PAQR9: variants seen among roughly 807,000 people sequenced by gnomAD.
The protein encoded by PAQR9 is membrane progestin receptor epsilon.
Under a neutral mutation model 24.0 loss-of-function variants are expected in PAQR9, and 12 were observed. That is an observed-to-expected ratio of 0.50 (90% CI 0.32 to 0.81). The LOEUF (loss-of-function observed/expected upper bound fraction) is 0.81, where lower values mean the gene tolerates loss of function less well. PAQR9 is among the 30% of genes least tolerant of loss of function. The pLI is 0.03. For synonymous variants in PAQR9, 266 were observed against 237.6 expected, an observed-to-expected ratio of 1.12 and a Z score of -1.10; for missense variants, 418 against 520.8, an observed-to-expected ratio of 0.80 and a Z score of 1.92.
downstream of PAQR9, chr3:142,952,879 T>C: frequency 2.2e-6 from 1 of 456,710 alleles, no homozygotes; most frequent in Admixed American, 2.3e-5. Flanking sequence ...GCAAGAGAGC[T>C]GAGAATCAGC....
chr3:142,963,931 G>C, upstream of PAQR9: 1 of 971,596 alleles, frequency 1.0e-6, no homozygotes, highest in Non-Finnish European at 1.2e-6. Flanking sequence ...TCGGCGACGC[G>C]GCGGCGCGCG....
Position 142,962,201 on chromosome 3 carries a change from G to A in PAQR9, c.*2C>T, listed in dbSNP as rs897386793. The A allele has an allele frequency of 3.1e-6, 5 of 1,612,502 alleles. No homozygotes were observed. Among genetic ancestry groups the A allele is most frequent in the Non-Finnish European group, 4.2e-6 (5 of 1,179,702 alleles). ...ACCAGTAGTCTCCTCCAAGGCGGAG[G>A]CTCACTTTTTACTGCAGAATTCGGA... On this transcript the variant is annotated 3_prime_UTR_variant, in exon 1 of 1. Coordinates refer to ENST00000340634, the MANE Select transcript of PAQR9 (RefSeq NM_198504.4).
downstream of PAQR9, chr3:142,952,907 G>A (rs966812394): frequency 1.5e-5 from 7 of 456,156 alleles, no homozygotes; most frequent in South Asian, 7.8e-5. Context: ...CAGAGCAGAT[G>A]AAGGGAAGTA....
chr3:142,953,656 G>A (rs1014680293), downstream of PAQR9, among the ~76,000 whole-genome samples: 14 of 152,070 alleles, frequency 9.2e-5, no homozygotes, highest in African/African-American at 2.4e-5. Context: ...GAATGCCTGT[G>A]GACCAGACAG....
Position 142,957,630 on chromosome 3 carries a change from C to G in PAQR9, c.*4573G>C, listed in dbSNP as rs904910322. The stretch of plus-strand genomic sequence containing the variant: ...ACACTTAAAGACATCTCAATTTAGG[C>G]ACTTTGGATGATCCACTCTTCATAA... On this transcript the variant is annotated 3_prime_UTR_variant, in exon 1 of 1. Coordinates refer to ENST00000340634, the MANE Select transcript of PAQR9 (RefSeq NM_198504.4). Among the ~76,000 whole-genome samples the G allele has an allele frequency of 2.6e-5, 4 of 152,170 alleles. No homozygotes were observed. Among genetic ancestry groups the G allele is most frequent in the Admixed American group, 2.6e-4 (4 of 15,276 alleles).
In PAQR9 at chr3:142,958,267, T is replaced by G. The variant is rs1018372049; in HGVS notation, c.*3936A>C. 6.6e-6 allele frequency among the ~76,000 whole-genome samples: 1 copy of G among 152,234 alleles called. No individual in the cohort carries two copies. The highest frequency in any genetic ancestry group is 2.4e-5 in the African/African-American group (1 of 41,468). On this transcript the variant is annotated 3_prime_UTR_variant, in exon 1 of 1. Coordinates refer to ENST00000340634, the MANE Select transcript of PAQR9 (RefSeq NM_198504.4). ...GACAGCCCTATCTCACTTTGCTCAA[T>G]TTTAAAGTTAGTCAATTAAGGGACT...
downstream of PAQR9, chr3:142,952,795 C>T (rs1363995320): frequency 6.6e-6 from 3 of 456,590 alleles, no homozygotes; most frequent in Admixed American, 4.7e-5. Context: ...ACTTACCTGC[C>T]TTCTGCTGCT....
chr3:142,963,160 G>A lies in PAQR9; in HGVS notation c.177C>T (p.Ile59=). 1.2e-6 allele frequency: 2 copies of A among 1,603,414 alleles called. No individual in the cohort carries two copies. The highest frequency in any genetic ancestry group is 1.7e-6 in the Non-Finnish European group (2 of 1,175,030). Residue 59 remains isoleucine (I), a synonymous_variant, in exon 1 of 1, where the codon ATC becomes ATT. Coordinates refer to ENST00000340634, the MANE Select transcript of PAQR9 (RefSeq NM_198504.4). ...ACGGCAGACGCCGGTAGCCCGACAG[G>A]ATGAAGCACTCCACGAAGTCGTCGG... ...EVPDDFVECF[I]LSGYRRLPCT...
At chr3:142,963,727 TG>T, upstream of PAQR9, 1 of 798,336 alleles carries the variant, frequency 1.3e-6, no homozygotes, top group Non-Finnish European at 1.5e-6. Context: ...GAGCGGGAGG[TG>T]GGGATGTGCG....
chr3:142,953,802 G>A (rs1934752277), downstream of PAQR9, among the ~76,000 whole-genome samples: 1 of 152,172 alleles, frequency 6.6e-6, no homozygotes, highest in African/African-American at 2.4e-5. Context: ...CTCTAGAGGA[G>A]TCCATGTGAC....
At chr3:142,951,755 A>G (rs1329058622), downstream of PAQR9, 9 of 456,680 alleles carry the variant, frequency 2.0e-5, no homozygotes, top group African/African-American at 1.0e-4. Context: ...TAGATGCTCT[A>G]TCTTCACTCT....
rs1429724400 is a variant in PAQR9, at chr3:142,957,996, C to G, written c.*4207G>C. On this transcript the variant is annotated 3_prime_UTR_variant, in exon 1 of 1. Transcript: ENST00000340634. Reference sequence around the variant, plus strand: ...CAGAGAGACTTTCTGGGGCTTCTCTCTTCCACCAGAAGACAAAAGGGTAAT... The same window carrying G: ...CAGAGAGACTTTCTGGGGCTTCTCTGTTCCACCAGAAGACAAAAGGGTAAT... Among the ~76,000 whole-genome samples the G allele has an allele frequency of 6.6e-6, 1 of 152,190 alleles. No homozygotes were observed. The highest frequency in any genetic ancestry group is 1.5e-5 in the Non-Finnish European group (1 of 68,034).
rs1449857308 is a variant in PAQR9 at position 142,958,229 on chromosome 3, A to G, written c.*3974T>C. Among the ~76,000 whole-genome samples the G allele has an allele frequency of 6.6e-6, 1 of 152,214 alleles. No homozygotes were observed. The highest frequency in any genetic ancestry group is 1.5e-5 in the Non-Finnish European group (1 of 68,028). ...ATAACATTTTGTTTGAGATATTTTG[A>G]TCTAATTTCAAAGACAGCCCTATCT... On this transcript the variant is annotated 3_prime_UTR_variant, in exon 1 of 1. Transcript: ENST00000340634.
In PAQR9 at chr3:142,962,548, G is replaced by C; in HGVS notation, c.789C>G (p.Leu263=). The C allele has an allele frequency of 1.9e-6, 3 of 1,613,936 alleles. No homozygotes were observed. Among genetic ancestry groups the C allele is most frequent in the Non-Finnish European group, 2.5e-6 (3 of 1,180,024 alleles). ...TGGGGTTCTCCCCACGCAGGTCGAA[G>C]AGCCAGCTCTCGAGCATAATGGGGC... The part of the protein sequence containing the change: ...MACPIMLESW[L]FDLRGENPTL... The change falls in exon 1 of 1, where the codon CTC becomes CTG. Residue 263 remains leucine (L), a synonymous_variant. Transcript: ENST00000340634.
rs1395958168 is a variant in PAQR9 at position 142,960,738 on chromosome 3, A to C, written c.*1465T>G. The C allele has an allele frequency of 6.6e-6, 1 of 152,236 alleles. No homozygotes were observed. The highest frequency in any genetic ancestry group is 1.5e-5 in the Non-Finnish European group (1 of 68,048). 9.4% of individuals were successfully genotyped at this position (152,236 alleles called of 1,614,324 possible). On this transcript the variant is annotated 3_prime_UTR_variant, in exon 1 of 1. Coordinates refer to ENST00000340634, the MANE Select transcript of PAQR9 (RefSeq NM_198504.4). The stretch of plus-strand genomic sequence containing the variant: ...AAGAAATGTCTAAATAACATTGGCT[A>C]ATCTGTTTGTTAGAAAGGATCTCAG...
Position 142,963,368 on chromosome 3 carries a change from G to A in PAQR9, c.-32C>T, listed in dbSNP as rs1934951513. 33 of 1,176,646 alleles carry A rather than the reference G, an allele frequency of 2.8e-5. No individual in the cohort carries two copies. The highest frequency in any genetic ancestry group is 3.5e-5 in the Non-Finnish European group (33 of 953,458). The allele number at this position is 1,176,646 out of a possible 1,614,324, so 72.9% of individuals were successfully genotyped here. A position where few individuals can be genotyped will look rare whatever the true frequency, so the allele number is the denominator to read the frequency against. ...CGGGGCTCGGCTAGGGCGCGCGCAG[G>A]CGACCTCTGGCGCCGGCTCCCGGGC... On this transcript the variant is annotated 5_prime_UTR_variant, in exon 1 of 1. Transcript: ENST00000340634.
chr3:142,958,102 G>A lies in PAQR9; in HGVS notation c.*4101C>T, dbSNP rs1934823402. On this transcript the variant is annotated 3_prime_UTR_variant, in exon 1 of 1. Coordinates refer to ENST00000340634, the MANE Select transcript of PAQR9 (RefSeq NM_198504.4). ...AAAGATCATGAAAGGTATGATATGAGTGCATGAATGAACAGCTCAAAGATT... is the reference window on the plus strand; with the variant it reads ...AAAGATCATGAAAGGTATGATATGAATGCATGAATGAACAGCTCAAAGATT... Among the ~76,000 whole-genome samples the A allele has an allele frequency of 2.0e-5, 3 of 152,328 alleles. No individual in the cohort carries two copies. Among genetic ancestry groups the A allele is most frequent in the Non-Finnish European group, 2.9e-5 (2 of 68,024 alleles).
rs889899647 is a variant in PAQR9, at chr3:142,957,198, C to T, written c.*5005G>A. On this transcript the variant is annotated 3_prime_UTR_variant, in exon 1 of 1. Coordinates refer to ENST00000340634, the MANE Select transcript of PAQR9 (RefSeq NM_198504.4). ...ACCACTCAAAATATACCTGGACACT[C>T]GTGCTCAGGTCAAACGCTACAAGAT... Among the ~76,000 whole-genome samples the T allele has an allele frequency of 5.9e-5, 9 of 152,330 alleles. No individual in the cohort carries two copies. Among genetic ancestry groups the T allele is most frequent in the East Asian group, 1.9e-4 (1 of 5,192 alleles).
rs775167819 is a variant in PAQR9, at chr3:142,962,586, G to A, written c.751C>T (p.Leu251Phe). 3.7e-6 allele frequency: 6 copies of A among 1,614,032 alleles called. No homozygotes were observed. Among genetic ancestry groups the A allele is most frequent in the Non-Finnish European group, 4.2e-6 (5 of 1,180,030 alleles). The change falls in exon 1 of 1, where the codon CTC becomes TTC. Residue 251 changes from leucine to phenylalanine, a missense_variant. By Grantham distance (22) the Leu-to-Phe change is conservative. This residue lies in a region of PAQR9 where 230 missense variants were observed against 305.2 expected (regional missense o/e 0.75). Transcript: ENST00000340634. ...AGCATAATGGGGCAGGCCATGCTGA[G>A]CGGCATGACGAAGACGAAGGTGCGC... ...ALRTFVFVMP[L>F]SMACPIMLES...
Sources: gnomAD v4.1 joint callset for allele counts (sites outside exome capture counted in the v4.1 genomes callset) on GRCh38, gnomAD v4.1.1 for gene constraint, gnomAD v4.1.1 regional missense constraint, MANE v1.5 for transcripts, NCBI Gene and HGNC (gene_info 2026-07-23, HGNC 2026-07-21) for gene names.